Variants in SEMA3A observed in about 807,000 individuals in gnomAD.
SEMA3A encodes the protein semaphorin 3A.
Under a neutral mutation model 97.9 loss-of-function variants are expected in SEMA3A, and 29 were observed. The ratio of observed to expected loss-of-function variants is 0.30; its 90% CI spans 0.22 to 0.40. The LOEUF is 0.40. Ranked by LOEUF, SEMA3A falls within the 10% of genes least tolerant of loss-of-function variation. SEMA3A has a pLI of 1.00. For synonymous variants in SEMA3A, 321 were observed against 323.7 expected, an observed-to-expected ratio of 0.99 and a Z score of 0.09; for missense variants, 763 against 951.3, an observed-to-expected ratio of 0.80 and a Z score of 2.60.
At chr7:84,316,908 T>C (rs922118913) in intron 2 of SEMA3A, among the ~76,000 whole-genome samples, 1 of 152,178 alleles carries the variant, frequency 6.6e-6, no homozygotes, top group Non-Finnish European at 1.5e-5. Context: ...AGGTGAAGCT[T>C]TCACAAGTAG....
chr7:84,319,881 T>C lies in SEMA3A; in HGVS notation c.-168-12589A>G, dbSNP rs1185769567. ...TATTTTTATAATTTTCACAATATAATGGATTTTCCTTGTTAACACTATATA... is the reference window on the plus strand; with the variant it reads ...TATTTTTATAATTTTCACAATATAACGGATTTTCCTTGTTAACACTATATA... On this transcript the variant is annotated intron_variant, in intron 2 of 3. Transcript: ENST00000424555. Among the ~76,000 whole-genome samples the C allele has an allele frequency of 2.0e-5, 3 of 152,198 alleles. No individual in the cohort carries two copies. The East Asian group carries it at 5.8e-4, about 29-fold the overall frequency.
At chr7:83,966,260 C>CTATA (rs1174206133) in intron 15 of SEMA3A, among the ~76,000 whole-genome samples, 4 of 152,022 alleles carry the variant, frequency 2.6e-5, no homozygotes, top group Non-Finnish European at 4.4e-5. Flanking sequence ...AGACTATAGA[C>CTATA]TATAGTCTTA....
chr7:84,422,325 C>T (rs146432834), intron 1 of SEMA3A, among the ~76,000 whole-genome samples: 8,097 of 151,836 alleles, frequency 0.053, 255 homozygotes, highest in East Asian at 0.12. Flanking sequence ...ATAGTATTCT[C>T]GGATGGTAGT....
chr7:84,464,815 G>A (rs1034407568), intron 1 of SEMA3A, among the ~76,000 whole-genome samples: 1 of 152,278 alleles, frequency 6.6e-6, no homozygotes, highest in Admixed American at 6.5e-5. Flanking sequence ...AGAGGTATGA[G>A]AAAATAAACT....
At chr7:84,419,941 T>A (rs1343508438) in intron 1 of SEMA3A, among the ~76,000 whole-genome samples, 1 of 152,152 alleles carries the variant, frequency 6.6e-6, no homozygotes, top group African/African-American at 2.4e-5. Flanking sequence ...TTCAAGGAAA[T>A]TTCTGCCATG....
intron 1 of SEMA3A, among the ~76,000 whole-genome samples, chr7:84,177,942 C>A (rs575677276): frequency 6.6e-6 from 1 of 152,226 alleles, no homozygotes; most frequent in South Asian, 2.1e-4. Flanking sequence ...CTAATGTATA[C>A]ATATTGGCTT....
At chr7:84,268,768 C>T (rs1351049586) in intron 3 of SEMA3A, among the ~76,000 whole-genome samples, 2 of 152,102 alleles carry the variant, frequency 1.3e-5, no homozygotes, top group Non-Finnish European at 2.9e-5. Flanking sequence ...TAAAGAAAAT[C>T]ATTTGCAAAC....
intron 1 of SEMA3A, among the ~76,000 whole-genome samples, chr7:84,400,670 C>T (rs974701456): frequency 1.3e-5 from 2 of 151,978 alleles, no homozygotes; most frequent in Non-Finnish European, 2.9e-5. Context: ...GATTTATCGG[C>T]CTTAAAGAAG....
At chr7:84,234,422 GAC>G (rs1376786818) in intron 3 of SEMA3A, among the ~76,000 whole-genome samples, 1 of 151,918 alleles carries the variant, frequency 6.6e-6, no homozygotes, top group Non-Finnish European at 1.5e-5. Flanking sequence ...TTCTACTTTT[GAC>G]ACACACGATA....
At chr7:84,083,999 T>A (rs545724362) in intron 4 of SEMA3A, among the ~76,000 whole-genome samples, 25 of 152,194 alleles carry the variant, frequency 1.6e-4, no homozygotes, top group Middle Eastern at 3.4e-3. Flanking sequence ...TATATTATGT[T>A]TCTTTTTGCT....
At chr7:84,259,214 G>GT (rs1407160596) in intron 3 of SEMA3A, among the ~76,000 whole-genome samples, 1 of 152,106 alleles carries the variant, frequency 6.6e-6, no homozygotes, top group African/African-American at 2.4e-5. Flanking sequence ...TACACTATAG[G>GT]TGATAGGTTT....
At chr7:84,202,457 T>C (rs1444484886) in intron 3 of SEMA3A, among the ~76,000 whole-genome samples, 3 of 152,168 alleles carry the variant, frequency 2.0e-5, no homozygotes, top group African/African-American at 7.2e-5. Context: ...CTCTTTCTAT[T>C]CTGTTAAATC....
intron 2 of SEMA3A, among the ~76,000 whole-genome samples, chr7:84,326,671 T>A (rs962960798): frequency 4.6e-5 from 7 of 151,976 alleles, no homozygotes; most frequent in African/African-American, 1.7e-4. Flanking sequence ...CACAATATCA[T>A]AGACCTGTTT....
chr7:84,023,936 C>A lies in SEMA3A; in HGVS notation c.668-9585G>T, dbSNP rs1042263459. Among the ~76,000 whole-genome samples, 3 of 149,732 alleles carry A rather than the reference C, an allele frequency of 2.0e-5. No homozygotes were observed. In the Admixed American group the frequency reaches 2.0e-4, roughly 10 times the overall value. ...CTGAGGCAGGAGAATAGCGTGAACC[C>A]GGGAGGCGGAGCTTGCAGTGAACGG... On this transcript the variant is annotated intron_variant, in intron 6 of 16. Transcript: ENST00000265362.
At chr7:84,068,571 C>A (rs1038230407) in intron 4 of SEMA3A, among the ~76,000 whole-genome samples, 5 of 151,890 alleles carry the variant, frequency 3.3e-5, no homozygotes, top group Non-Finnish European at 7.4e-5. Context: ...AAAGAAGCAG[C>A]AGAACGAAGT....
Position 84,153,974 on chromosome 7 carries a change from A to G in SEMA3A, c.113-19023T>C, listed in dbSNP as rs1017885141. ...AAACACTAGTTCCTTTTGATGTTCA[A>G]TGGAATAAAGGGTTCCATGAGAAAA... On this transcript the variant is annotated intron_variant, in intron 1 of 16. Transcript: ENST00000265362. 2.0e-5 allele frequency among the ~76,000 whole-genome samples: 3 copies of G among 152,100 alleles called. No homozygotes were observed. The South Asian group carries it at 6.2e-4, about 31-fold the overall frequency.
intron 3 of SEMA3A, among the ~76,000 whole-genome samples, chr7:84,259,298 G>T (rs114503453): frequency 2.6e-4 from 40 of 152,030 alleles, no homozygotes; most frequent in Non-Finnish European, 4.7e-4. Context: ...TTCTATACTT[G>T]TTCTGAATAG....
chr7:84,194,018 C>A (rs934841377), intron 1 of SEMA3A, among the ~76,000 whole-genome samples: 4 of 152,056 alleles, frequency 2.6e-5, no homozygotes, highest in African/African-American at 9.7e-5. Flanking sequence ...CAGATTTGAA[C>A]AAACTGAATA....
chr7:84,421,322 A>G lies in SEMA3A; in HGVS notation c.-245-49422T>C, dbSNP rs183508917. ...AGGAGAAATTAAGACATCTCCACAT[A>G]AAAGTTGTGAGAGTTTGCCATCACT... On this transcript the variant is annotated intron_variant, in intron 1 of 3. Transcript: ENST00000424555. 2.5e-3 allele frequency among the ~76,000 whole-genome samples: 374 copies of G among 152,176 alleles called. 1 individual carries two copies. Among genetic ancestry groups the G allele is most frequent in the African/African-American group, 8.6e-3 (358 of 41,552 alleles).
Sources: allele counts gnomAD v4.1 joint callset (sites outside exome capture counted in the v4.1 genomes callset), GRCh38; gene constraint gnomAD v4.1.1; transcripts MANE v1.5; gene names NCBI Gene and HGNC (gene_info 2026-07-23, HGNC 2026-07-21).